Variants in LINGO2 observed in about 807,000 individuals in gnomAD.
The protein encoded by LINGO2 is leucine-rich repeat and immunoglobulin-like domain-containing nogo receptor-interacting protein 2.
In LINGO2, 14 loss-of-function variants were observed where a neutral mutation model predicts 30.6. The ratio of observed to expected loss-of-function variants is 0.46; its 90% CI spans 0.30 to 0.72. LINGO2 has a LOEUF of 0.72. LINGO2 is among the 30% of genes least tolerant of loss of function. The pLI, the probability that LINGO2 is intolerant of heterozygous loss-of-function variation, is 0.07. For missense variants in LINGO2, 729 were observed against 751.7 expected (o/e 0.97, Z 0.35); for synonymous variants, 317 against 288.5 (o/e 1.10, Z -1.00).
rs1238005232 is a variant in LINGO2 at position 28,147,519 on chromosome 9, GC to G, written c.-86-135115del. On this transcript the variant is annotated intron_variant, in intron 4 of 5. Transcript: ENST00000379992. The surrounding 1 kb of genome is among the most constrained non-coding windows in gnomAD (Gnocchi z 4.7). ...CAGGCAGCACAGAGGCACTGGAGAG[GC>G]CCCGGGGGAGCCTGGCGGGATCTGG... 6.6e-6 allele frequency among the ~76,000 whole-genome samples: 1 copy of G among 152,176 alleles called. No individual in the cohort carries two copies. The highest frequency in any genetic ancestry group is 2.4e-5 in the African/African-American group (1 of 41,446).
chr9:28,980,223 T>C, the LINGO2 span, among the ~76,000 whole-genome samples: 37 of 152,240 alleles, frequency 2.4e-4, no homozygotes, highest in African/African-American at 8.7e-4. Flanking sequence ...TCCAGCTTCA[T>C]AATGACCACA....
chr9:28,519,872 C>G (rs1218529806), intron 1 of LINGO2, among the ~76,000 whole-genome samples: 4 of 152,150 alleles, frequency 2.6e-5, no homozygotes, highest in Non-Finnish European at 5.9e-5. Flanking sequence ...CCCTTGATCC[C>G]CAATTTTTTT....
chr9:28,041,971 C>T (rs954788712), intron 4 of LINGO2, among the ~76,000 whole-genome samples: 5 of 152,156 alleles, frequency 3.3e-5, no homozygotes, highest in Non-Finnish European at 5.9e-5. Flanking sequence ...GGTTTTAAAG[C>T]TTAGCTCTGT....
chr9:28,484,003 A>G (rs1004142558), intron 1 of LINGO2, among the ~76,000 whole-genome samples: 12 of 152,056 alleles, frequency 7.9e-5, no homozygotes, highest in Non-Finnish European at 1.5e-4. Flanking sequence ...ATACCACCTC[A>G]ATATACCAGG....
At chr9:28,857,338 T>C in the LINGO2 span, among the ~76,000 whole-genome samples, 32 of 152,102 alleles carry the variant, frequency 2.1e-4, no homozygotes, top group Non-Finnish European at 3.8e-4. Flanking sequence ...TTTAAGCCTT[T>C]ATTACATGTT....
the LINGO2 span, among the ~76,000 whole-genome samples, chr9:28,874,968 T>C: frequency 5.3e-5 from 8 of 152,230 alleles, no homozygotes; most frequent in African/African-American, 1.9e-4. Flanking sequence ...ACTAAAACCA[T>C]GATGCAAGCC....
chr9:27,963,412 A>T (rs1218239022), intron 5 of LINGO2, among the ~76,000 whole-genome samples: 1 of 152,154 alleles, frequency 6.6e-6, no homozygotes, highest in East Asian at 1.9e-4. Context: ...GGAGAAAGAG[A>T]AATGAATTTT....
the LINGO2 span, among the ~76,000 whole-genome samples, chr9:28,699,222 T>C: frequency 9.9e-5 from 15 of 152,146 alleles, no homozygotes; most frequent in Admixed American, 2.6e-4. Context: ...ACTTATCCAC[T>C]ATTATAATAT....
chr9:29,077,154 T>A, the LINGO2 span, among the ~76,000 whole-genome samples: 4 of 152,228 alleles, frequency 2.6e-5, no homozygotes, highest in African/African-American at 9.6e-5. Flanking sequence ...GTGAATCTTA[T>A]ATCTAATATT....
chr9:28,180,404 T>C (rs1828878728), intron 4 of LINGO2, among the ~76,000 whole-genome samples: 1 of 152,204 alleles, frequency 6.6e-6, no homozygotes, highest in Non-Finnish European at 1.5e-5. Flanking sequence ...AAATGAAAGC[T>C]ACAAGTGTGT....
chr9:28,623,678 G>T (rs1368786542), intron 1 of LINGO2, among the ~76,000 whole-genome samples: 3 of 151,654 alleles, frequency 2.0e-5, no homozygotes, highest in Non-Finnish European at 4.4e-5. Flanking sequence ...GGCTATTCTG[G>T]GTCTTTTGTG....
the LINGO2 span, among the ~76,000 whole-genome samples, chr9:28,871,841 C>G: frequency 2.0e-5 from 3 of 151,946 alleles, no homozygotes; most frequent in Non-Finnish European, 4.4e-5. Flanking sequence ...AATACTAGTA[C>G]TTATCTCCTA....
the LINGO2 span, among the ~76,000 whole-genome samples, chr9:28,680,427 T>C: frequency 6.6e-6 from 1 of 152,138 alleles, no homozygotes; most frequent in Non-Finnish European, 1.5e-5. Flanking sequence ...AAACATGAGA[T>C]GCAGGCATCT....
chr9:29,128,971 TAAA>T, the LINGO2 span, among the ~76,000 whole-genome samples: 1 of 152,146 alleles, frequency 6.6e-6, no homozygotes, highest in Non-Finnish European at 1.5e-5. Flanking sequence ...TTGGTAAAAT[TAAA>T]AAAGAAATGT....
the LINGO2 span, among the ~76,000 whole-genome samples, chr9:29,021,966 T>C: frequency 6.6e-6 from 1 of 152,130 alleles, no homozygotes; most frequent in Non-Finnish European, 1.5e-5. Flanking sequence ...AAATTGAGGT[T>C]AAAATAACAT....
chr9:27,983,650 CAG>C (rs1324286870), intron 5 of LINGO2, among the ~76,000 whole-genome samples: 4 of 151,790 alleles, frequency 2.6e-5, no homozygotes, highest in African/African-American at 9.7e-5. Context: ...AATAAAGAAT[CAG>C]AGAGGTAAAA....
At chr9:28,325,876 C>A (rs1288886488) in intron 3 of LINGO2, among the ~76,000 whole-genome samples, 3 of 152,272 alleles carry the variant, frequency 2.0e-5, no homozygotes, top group Admixed American at 1.3e-4. Context: ...GGCTTAAAAA[C>A]TCTCCCACAT....
At chr9:27,958,680 A>G (rs975435442) in intron 5 of LINGO2, among the ~76,000 whole-genome samples, 4 of 152,162 alleles carry the variant, frequency 2.6e-5, no homozygotes, top group Admixed American at 6.5e-5. Flanking sequence ...GTGTGTATAC[A>G]TAGGGAAAAA....
At chr9:28,216,818 T>C (rs1820783563) in intron 4 of LINGO2, among the ~76,000 whole-genome samples, 1 of 151,860 alleles carries the variant, frequency 6.6e-6, no homozygotes. Flanking sequence ...TAAAATACCA[T>C]TTATTCAAAT....
Sources: allele counts gnomAD v4.1 joint callset (sites outside exome capture counted in the v4.1 genomes callset), GRCh38; gene constraint gnomAD v4.1.1; non-coding constraint Gnocchi (gnomAD v3.1); transcripts MANE v1.5; gene names NCBI Gene and HGNC (gene_info 2026-07-23, HGNC 2026-07-21).